Variants in UNC5D observed in about 807,000 individuals in gnomAD.
The protein encoded by UNC5D is netrin receptor UNC5D.
Under a neutral mutation model 105.4 loss-of-function variants are expected in UNC5D, and 39 were observed. The observed-to-expected ratio is 0.37, with a 90% CI of 0.29 to 0.48. UNC5D has a LOEUF of 0.48. UNC5D is among the 20% of genes least tolerant of loss of function. UNC5D has a pLI of 0.98. For missense variants in UNC5D, 991 were observed against 1,202.4 expected, an observed-to-expected ratio of 0.82 and a Z score of 2.60; for synonymous variants, 452 against 450.4, an observed-to-expected ratio of 1.00 and a Z score of -0.04.
intron 1 of UNC5D, among the ~76,000 whole-genome samples, chr8:35,245,576 G>T (rs2128804966): frequency 6.6e-6 from 1 of 152,188 alleles, no homozygotes; most frequent in South Asian, 2.1e-4. Flanking sequence ...TTGCTATAAA[G>T]AAATAACAGG....
chr8:35,595,629 G>A lies in UNC5D; in HGVS notation c.542G>A (p.Arg181His), dbSNP rs760287883. 4.3e-6 allele frequency: 7 copies of A among 1,613,982 alleles called. No homozygotes were observed. The Admixed American group carries it at 6.7e-5, about 15-fold the overall frequency. Residue 181 changes from arginine (R) to histidine (H), a missense_variant, in exon 4 of 17, where the codon CGC (arginine) becomes CAC (histidine). Physicochemically the swap from Arg to His is conservative, Grantham distance 29 (BLOSUM62 0). Coordinates refer to ENST00000404895, the MANE Select transcript of UNC5D (RefSeq NM_080872.4). The stretch of plus-strand genomic sequence containing the variant: ...GAAGGCATGATTGTACTGCACTGCC[G>A]CCCACCAGAGGGAGTCCCTGCTGCC... Reference protein sequence around the residue: ...PIEGMIVLHCRPPEGVPAAEV... With the variant: ...PIEGMIVLHCHPPEGVPAAEV...
At chr8:35,348,263 C>T (rs1811946866) in intron 1 of UNC5D, among the ~76,000 whole-genome samples, 1 of 151,732 alleles carries the variant, frequency 6.6e-6, no homozygotes, top group Non-Finnish European at 1.5e-5. Flanking sequence ...CTGTAATTTG[C>T]CTTTTCACTT....
chr8:35,535,726 AAAGT>A (rs1208586441), intron 1 of UNC5D, among the ~76,000 whole-genome samples: 1 of 152,094 alleles, frequency 6.6e-6, no homozygotes, highest in Non-Finnish European at 1.5e-5. Context: ...TCACAGACAA[AAAGT>A]AATAATAATC....
rs2128914154 is a variant in UNC5D at position 35,356,456 on chromosome 8, C to A, written c.103+120569C>A. Among the ~76,000 whole-genome samples, 2 of 152,216 alleles carry A rather than the reference C, an allele frequency of 1.3e-5. 1 individual carries two copies. The highest frequency in any genetic ancestry group is 4.2e-4 in the South Asian group (2 of 4,818). ...CATTTTTGTTCATGACTTCCACTGA[C>A]TAATTTAATACCTTTTCTGTCTTAA... is the stretch of plus-strand genomic sequence containing the variant. On this transcript the variant is annotated intron_variant, in intron 1 of 16. Transcript: ENST00000404895.
intron 1 of UNC5D, among the ~76,000 whole-genome samples, chr8:35,502,741 A>G (rs1043403636): frequency 7.0e-6 from 1 of 143,020 alleles, no homozygotes; most frequent in South Asian, 2.2e-4. Flanking sequence ...TTTTTTTTGT[A>G]TTTTTAGTAG....
chr8:35,669,355 A>T (rs1451219082), intron 4 of UNC5D, among the ~76,000 whole-genome samples: 1 of 152,094 alleles, frequency 6.6e-6, no homozygotes, highest in Non-Finnish European at 1.5e-5. Context: ...ATTAGGGACC[A>T]AGCCAATAGT....
chr8:35,520,542 C>T (rs996801876), intron 1 of UNC5D, among the ~76,000 whole-genome samples: 4 of 151,984 alleles, frequency 2.6e-5, no homozygotes, highest in African/African-American at 4.8e-5. Flanking sequence ...CATTTTAAAT[C>T]GGTGAATTAT....
chr8:35,668,916 T>C (rs1824598648), intron 4 of UNC5D, among the ~76,000 whole-genome samples: 1 of 152,106 alleles, frequency 6.6e-6, no homozygotes, highest in African/African-American at 2.4e-5. Flanking sequence ...GATTCATGAA[T>C]TTCTGATTTG....
intron 3 of UNC5D, among the ~76,000 whole-genome samples, chr8:35,585,770 TATA>T (rs931007612): frequency 2.0e-4 from 31 of 151,646 alleles, no homozygotes; most frequent in African/African-American, 7.0e-4. Flanking sequence ...GAATATAATA[TATA>T]ATAATAAGGG....
At chr8:35,618,864 G>T (rs1014806681) in intron 4 of UNC5D, among the ~76,000 whole-genome samples, 1 of 152,084 alleles carries the variant, frequency 6.6e-6, no homozygotes, top group Non-Finnish European at 1.5e-5. Flanking sequence ...ATTATGGCAG[G>T]GTTGTGTCTT....
At chr8:35,696,883 G>A (rs1297013008) in intron 7 of UNC5D, among the ~76,000 whole-genome samples, 1 of 152,092 alleles carries the variant, frequency 6.6e-6, no homozygotes, top group Non-Finnish European at 1.5e-5. Flanking sequence ...CAGTGTTAGT[G>A]TTCAGTGGAA....
chr8:35,422,200 G>T (rs1191776867), intron 1 of UNC5D, among the ~76,000 whole-genome samples: 1 of 152,166 alleles, frequency 6.6e-6, no homozygotes, highest in Admixed American at 6.6e-5. Flanking sequence ...CAAACTTAGG[G>T]CCTACAGTAA....
At chr8:35,334,113 C>T (rs1810839684) in intron 1 of UNC5D, among the ~76,000 whole-genome samples, 1 of 152,000 alleles carries the variant, frequency 6.6e-6, no homozygotes, top group South Asian at 2.1e-4. Flanking sequence ...AACTTCACAA[C>T]CCAAGGGATT....
intron 1 of UNC5D, among the ~76,000 whole-genome samples, chr8:35,420,287 A>G (rs1017660858): frequency 6.6e-6 from 1 of 152,126 alleles, no homozygotes; most frequent in Non-Finnish European, 1.5e-5. Context: ...AGCATTCATA[A>G]ACCTGGAGTA....
intron 1 of UNC5D, among the ~76,000 whole-genome samples, chr8:35,387,486 T>A (rs1803486671): frequency 6.6e-6 from 1 of 152,126 alleles, no homozygotes; most frequent in Non-Finnish European, 1.5e-5. Flanking sequence ...GTCTCCAAAG[T>A]GCTTTCTTCA....
chr8:35,717,569 A>G lies in UNC5D; in HGVS notation c.1118-4641A>G, dbSNP rs1828321513. The stretch of plus-strand genomic sequence containing the variant: ...CCCCAGCTTTGGCCAAAAAACTAAA[A>G]TAAAATAACTGGAGAGTACTGTAAA... On this transcript the variant is annotated intron_variant, in intron 8 of 16. Transcript: ENST00000404895. Among the ~76,000 whole-genome samples, 3 of 152,294 alleles carry G rather than the reference A, an allele frequency of 2.0e-5. No homozygotes were observed. The South Asian group carries it at 6.2e-4, about 32-fold the overall frequency.
At chr8:35,304,083 C>T (rs1808161419) in intron 1 of UNC5D, among the ~76,000 whole-genome samples, 1 of 152,026 alleles carries the variant, frequency 6.6e-6, no homozygotes, top group African/African-American at 2.4e-5. Flanking sequence ...TGACAGAATC[C>T]CTTGATTGGC....
At position 35,782,454 on chromosome 8, in the gene UNC5D, GGCA is replaced by G. The variant is rs1337727671; in HGVS notation, c.2658-7902_2658-7900del. ...TAATGATGTTTTCCAGTTTATTATA[GGCA>G]GCTTAACTTTGTTTTTACTTTTTGT... is the stretch of plus-strand genomic sequence containing the variant. On this transcript the variant is annotated intron_variant, in intron 16 of 16. Coordinates refer to ENST00000404895, the MANE Select transcript of UNC5D (RefSeq NM_080872.4). 2.0e-5 allele frequency among the ~76,000 whole-genome samples: 3 copies of G among 151,972 alleles called. No individual in the cohort carries two copies. The South Asian group carries it at 6.3e-4, about 32-fold the overall frequency.
At chr8:35,597,972 G>A (rs1819594015) in intron 4 of UNC5D, among the ~76,000 whole-genome samples, 1 of 151,912 alleles carries the variant, frequency 6.6e-6, no homozygotes, top group African/African-American at 2.4e-5. Flanking sequence ...AGTCACCCTG[G>A]CCCCTTCAAT....
Sources: allele counts gnomAD v4.1 joint callset (sites outside exome capture counted in the v4.1 genomes callset), GRCh38; gene constraint gnomAD v4.1.1; transcripts MANE v1.5; gene names NCBI Gene and HGNC (gene_info 2026-07-23, HGNC 2026-07-21).